The following COLGALT2 variants were observed in gnomAD, a reference collection of about 807,000 sequenced individuals.
COLGALT2 encodes the protein procollagen galactosyltransferase 2.
A neutral mutation model predicts 73.4 loss-of-function variants in COLGALT2; 49 were observed. The observed-to-expected ratio is 0.67, with a 90% CI of 0.53 to 0.85. COLGALT2 has a LOEUF of 0.85. Among genes scored for constraint, COLGALT2 ranks in the 40% least tolerant of loss-of-function variants. The pLI is 0.00. For missense variants in COLGALT2, 722 were observed against 790.2 expected, an observed-to-expected ratio of 0.91 and a Z score of 1.03; for synonymous variants, 295 against 307.6, an observed-to-expected ratio of 0.96 and a Z score of 0.43.
chr1:183,950,550 A>C (rs944700151), intron 8 of COLGALT2, among the ~76,000 whole-genome samples: 1 of 151,916 alleles, frequency 6.6e-6, no homozygotes, highest in Admixed American at 6.6e-5. Flanking sequence ...AAAAGTGGCC[A>C]CTATGATCGG....
intron 10 of COLGALT2, among the ~76,000 whole-genome samples, chr1:183,941,759 C>T (rs550666659): frequency 4.6e-5 from 7 of 152,322 alleles, no homozygotes; most frequent in African/African-American, 7.2e-5. Context: ...CTTCAGATTA[C>T]GGAGTCTGAG....
chr1:183,933,406 C>T (rs1669884603), downstream of COLGALT2, among the ~76,000 whole-genome samples: 1 of 152,240 alleles, frequency 6.6e-6, no homozygotes, highest in Non-Finnish European at 1.5e-5. Context: ...CTCAACTCTG[C>T]TCATGGTTTC....
At position 184,008,627 on chromosome 1, in the gene COLGALT2, G is replaced by A. The variant is rs1672145864; in HGVS notation, c.263+28468C>T. 3.3e-5 allele frequency among the ~76,000 whole-genome samples: 5 copies of A among 152,124 alleles called. No homozygotes were observed. In the South Asian group the frequency reaches 1.0e-3, roughly 32 times the overall value. ...TGCTTGTAGTCACAGTTACTTGGGA[G>A]GCTAAGGCAGGAGGATCCCTTGAGC... On this transcript the variant is annotated intron_variant, in intron 1 of 11. Transcript: ENST00000361927.
chr1:183,965,945 G>A (rs1350856397), intron 5 of COLGALT2, among the ~76,000 whole-genome samples: 1 of 152,162 alleles, frequency 6.6e-6, no homozygotes, highest in Non-Finnish European at 1.5e-5. Flanking sequence ...AGGGCAAAAA[G>A]GAAGAAAAAG....
rs762773465 is a variant in COLGALT2 at position 184,037,097 on chromosome 1, G to T, written c.261C>A (p.Ile87=). Residue 87 remains isoleucine, a splice_region_variant and synonymous_variant, in exon 1 of 12, where the codon ATC becomes ATA. Coordinates refer to ENST00000361927, the MANE Select transcript of COLGALT2 (RefSeq NM_015101.4). ...GCCCGGGGCCCGTGCGCGCTCACCAGATGGCCATCCTGCTCTTGGGGTAGT... is the reference window on the plus strand; with the variant it reads ...GCCCGGGGCCCGTGCGCGCTCACCATATGGCCATCCTGCTCTTGGGGTAGT... The part of the protein sequence containing the change: ...RLDYPKSRMA[I]WAATDHNVDN... The T allele has an allele frequency of 2.9e-5, 46 of 1,575,264 alleles. No individual in the cohort carries two copies. In the African/African-American group the frequency reaches 4.9e-4, roughly 17 times the overall value.
chr1:183,961,447 G>A (rs1670698268), intron 6 of COLGALT2, among the ~76,000 whole-genome samples: 1 of 152,226 alleles, frequency 6.6e-6, no homozygotes, highest in South Asian at 2.1e-4. Flanking sequence ...CTACTTGGGA[G>A]TCGAGACCGA....
intron 1 of COLGALT2, among the ~76,000 whole-genome samples, chr1:183,999,726 A>G (rs1421455062): frequency 1.3e-5 from 2 of 152,074 alleles, no homozygotes; most frequent in Non-Finnish European, 2.9e-5. Context: ...TAATTTCTCA[A>G]ATTTATTAGT....
chr1:183,977,096 T>C (rs1352976501), intron 2 of COLGALT2, among the ~76,000 whole-genome samples: 1 of 152,174 alleles, frequency 6.6e-6, no homozygotes, highest in Non-Finnish European at 1.5e-5. Flanking sequence ...AATAAAGAAA[T>C]GAAACCATTT....
chr1:183,947,428 G>A (rs576791674), intron 8 of COLGALT2, among the ~76,000 whole-genome samples: 2 of 152,148 alleles, frequency 1.3e-5, no homozygotes, highest in East Asian at 3.9e-4. Context: ...CAACCTCAAT[G>A]GTTTGAAATT....
At chr1:183,953,044 A>G (rs1420899744) in intron 7 of COLGALT2, among the ~76,000 whole-genome samples, 2 of 152,224 alleles carry the variant, frequency 1.3e-5, no homozygotes, top group African/African-American at 4.8e-5. Context: ...AAGGCCCCCA[A>G]AAACAGAGAC....
chr1:184,021,429 A>G (rs1213946500), intron 1 of COLGALT2, among the ~76,000 whole-genome samples: 1 of 152,120 alleles, frequency 6.6e-6, no homozygotes, highest in African/African-American at 2.4e-5. Context: ...GTGGACTACT[A>G]TTGTTATTGA....
intron 1 of COLGALT2, among the ~76,000 whole-genome samples, chr1:184,008,798 A>C (rs369924120): frequency 6.6e-6 from 1 of 152,194 alleles, no homozygotes; most frequent in Admixed American, 6.5e-5. Flanking sequence ...GTAAAAGAAA[A>C]TATTCTTATA....
Position 183,973,615 on chromosome 1 carries a change from C to T in COLGALT2, c.627+1G>A, listed in dbSNP as rs764746134. 3.7e-6 allele frequency: 6 copies of T among 1,613,754 alleles called. No homozygotes were observed. On this transcript the variant is annotated splice_donor_variant, in intron 4 of 11. Transcript: ENST00000361927. LOFTEE classifies it high-confidence loss of function. ...TTAATTCATTTAAGCAAAAGACTTG[C>T]CTTAGGGGTGATTCCGCACCAGAAA...
At chr1:183,931,725 C>G (rs185058584), downstream of COLGALT2, among the ~76,000 whole-genome samples, 52 of 151,516 alleles carry the variant, frequency 3.4e-4, no homozygotes, top group African/African-American at 1.2e-3. Context: ...TTATTTCATA[C>G]CAAAGCATCA....
At chr1:183,943,786 G>A (rs753800002) in intron 10 of COLGALT2, among the ~76,000 whole-genome samples, 7 of 152,258 alleles carry the variant, frequency 4.6e-5, no homozygotes, top group Admixed American at 2.6e-4. Context: ...CTGCTGTCCC[G>A]GGAGCTGAGT....
At chr1:183,966,572 T>C (rs1670877893) in intron 5 of COLGALT2, among the ~76,000 whole-genome samples, 1 of 152,194 alleles carries the variant, frequency 6.6e-6, no homozygotes. Flanking sequence ...CACTAGGGGA[T>C]TGCCATCCCT....
At chr1:183,929,811 T>C (rs1669799750), downstream of COLGALT2, 1 of 155,986 alleles carries the variant, frequency 6.4e-6, no homozygotes, top group East Asian at 1.9e-4. Context: ...GGAAGGGATG[T>C]GTTAGGCTAG....
chr1:183,968,053 A>G (rs1558318369), intron 5 of COLGALT2, among the ~76,000 whole-genome samples: 1 of 152,190 alleles, frequency 6.6e-6, no homozygotes, highest in Non-Finnish European at 1.5e-5. Flanking sequence ...TGATGTGTGA[A>G]TTGTAGCTTG....
rs34394330 is a variant in COLGALT2, at chr1:183,959,489, A to G, written c.952+4412T>C. ...AGGCTAAAATCTTGGACTCATCTTG[A>G]TTCCTTTCTTTCCTTCATGGACTGC... On this transcript the variant is annotated intron_variant, in intron 6 of 11. Transcript: ENST00000361927. Among the ~76,000 whole-genome samples the G allele has an allele frequency of 3.5e-3, 540 of 152,156 alleles. 1 individual carries two copies. Among genetic ancestry groups the G allele is most frequent in the Middle Eastern group, 6.8e-3 (2 of 294 alleles).
Sources: allele counts gnomAD v4.1 joint callset (sites outside exome capture counted in the v4.1 genomes callset), GRCh38; gene constraint gnomAD v4.1.1; transcripts MANE v1.5; gene names NCBI Gene and HGNC (gene_info 2026-07-23, HGNC 2026-07-21).